Variants in PDSS1 observed in about 807,000 individuals in gnomAD.
PDSS1 encodes the protein all trans-polyprenyl-diphosphate synthase PDSS1.
In PDSS1, 43 loss-of-function variants were observed where a neutral mutation model predicts 57.5. The observed-to-expected ratio is 0.75, with a 90% confidence interval of 0.59 to 0.96. The LOEUF (loss-of-function observed/expected upper bound fraction) is 0.96. PDSS1 is among the 50% of genes least tolerant of loss of function. PDSS1 has a pLI of 0.00. For synonymous variants in PDSS1, 175 were observed against 191.3 expected (o/e 0.91, Z 0.70); for missense variants, 438 against 527.8 (o/e 0.83, Z 1.67).
At chr10:26,721,060 C>G (rs1398854125) in intron 6 of PDSS1, among the ~76,000 whole-genome samples, 1 of 152,122 alleles carries the variant, frequency 6.6e-6, no homozygotes, top group African/African-American at 2.4e-5. Flanking sequence ...AATCCCAGCA[C>G]TTTGGGAGGC....
chr10:26,731,770 A>G (rs1836208984), intron 8 of PDSS1, among the ~76,000 whole-genome samples: 1 of 152,158 alleles, frequency 6.6e-6, no homozygotes. Context: ...GAGGTGGAAC[A>G]TTTTTCAGAT....
intron 5 of PDSS1, among the ~76,000 whole-genome samples, chr10:26,713,361 G>A (rs1443963119): frequency 1.3e-5 from 2 of 152,080 alleles, no homozygotes; most frequent in Non-Finnish European, 2.9e-5. Context: ...TTTAATAAAC[G>A]ATAGAAGGTA....
rs1206427319 is a variant in PDSS1, at chr10:26,746,690, T to C, written c.*217T>C. On this transcript the variant is annotated 3_prime_UTR_variant, in exon 12 of 12. Coordinates refer to ENST00000376215, the MANE Select transcript of PDSS1 (RefSeq NM_014317.5). The stretch of plus-strand genomic sequence containing the variant: ...CCACCTGAATCTGTCATTCTAGTCC[T>C]ATAAATTATAATCAAGGTATCTTGA... The C allele has an allele frequency of 5.6e-6, 3 of 535,972 alleles. No homozygotes were observed. Among genetic ancestry groups the C allele is most frequent in the Non-Finnish European group, 1.0e-5 (3 of 299,062 alleles). The allele number at this position is 535,972 out of a possible 1,614,324, so 33.2% of individuals were successfully genotyped here. A position where few individuals can be genotyped will look rare whatever the true frequency, so the allele number is the denominator to read the frequency against.
intron 1 of PDSS1, among the ~76,000 whole-genome samples, chr10:26,699,361 A>G (rs1370802089): frequency 6.7e-6 from 1 of 149,404 alleles, no homozygotes; most frequent in Admixed American, 6.7e-5. Context: ...GGGTGCATCC[A>G]CCCTCTTATG....
chr10:26,704,765 A>G, intron 3 of PDSS1, 24 bp downstream of exon 3: 2 of 1,191,346 alleles, frequency 1.7e-6, no homozygotes, highest in Non-Finnish European at 2.5e-6. Flanking sequence ...CCATACTGCA[A>G]CTACTAAAAT....
intron 8 of PDSS1, among the ~76,000 whole-genome samples, chr10:26,733,406 C>T (rs1047829962): frequency 6.6e-6 from 1 of 152,102 alleles, no homozygotes. Context: ...GCCCAGGGGT[C>T]GGTGCCTGCT....
chr10:26,726,707 A>G (rs1835958759), intron 8 of PDSS1, among the ~76,000 whole-genome samples: 1 of 152,176 alleles, frequency 6.6e-6, no homozygotes, highest in African/African-American at 2.4e-5. Flanking sequence ...TGAAAATAAT[A>G]TTAAAATCTA....
chr10:26,727,340 C>CT (rs71403885), intron 8 of PDSS1, among the ~76,000 whole-genome samples: 3,864 of 100,590 alleles, frequency 0.038, 81 homozygotes, highest in Non-Finnish European at 0.061. Flanking sequence ...CTCTCTCTCT[C>CT]TTTTTTTTTT....
At chr10:26,708,862 C>T (rs1213064476) in intron 4 of PDSS1, among the ~76,000 whole-genome samples, 1 of 152,148 alleles carries the variant, frequency 6.6e-6, no homozygotes, top group Non-Finnish European at 1.5e-5. Flanking sequence ...AACTTTGCCA[C>T]CCTACCCATC....
Position 26,735,319 on chromosome 10 carries a change from A to G in PDSS1, c.911A>G (p.Gln304Arg). Residue 304 changes from glutamine (Q) to arginine (R), a missense_variant and splice_region_variant, in exon 9 of 12, where the codon CAG (glutamine) becomes CGG (arginine). Transcript: ENST00000376215. ...GGAAAAAATGTAGGAATAGCTTTTCAGGTTAGTATGCTTTTTATTTGTAAG... is the reference window on the plus strand; with the variant it reads ...GGAAAAAATGTAGGAATAGCTTTTCGGGTTAGTATGCTTTTTATTTGTAAG... ...QYGKNVGIAF[Q>R]LIDDVLDFTS... The G allele has an allele frequency of 1.2e-6, 2 of 1,602,424 alleles. No homozygotes were observed. The highest frequency in any genetic ancestry group is 1.7e-6 in the Non-Finnish European group (2 of 1,169,260).
At chr10:26,702,076 T>TCTAC (rs1835069232) in intron 1 of PDSS1, 86 bp from the exon 2 acceptor site, 1 of 442,972 alleles carries the variant, frequency 2.3e-6, no homozygotes, top group Admixed American at 2.4e-5. Flanking sequence ...TTGGCCAATT[T>TCTAC]CTACCATTTG....
chr10:26,703,908 C>T (rs542271942), intron 2 of PDSS1, among the ~76,000 whole-genome samples: 40 of 151,648 alleles, frequency 2.6e-4, no homozygotes, highest in Admixed American at 5.3e-4. Context: ...GGTGAAACCC[C>T]ATCTCTACTA....
At chr10:26,697,966 G>C (rs927594051) in intron 1 of PDSS1, 126 bp downstream of exon 1, 44 of 905,696 alleles carry the variant, frequency 4.9e-5, no homozygotes, top group Non-Finnish European at 6.0e-5. Context: ...GTAGCTCCGG[G>C]GTAGCTCCGG....
rs551306397 is a variant in PDSS1 at position 26,702,152 on chromosome 10, G to C, written c.130-10G>C. On this transcript the variant is annotated splice_polypyrimidine_tract_variant and intron_variant, in intron 1 of 11. Coordinates refer to ENST00000376215, the MANE Select transcript of PDSS1 (RefSeq NM_014317.5). ...CTTGGATGTAACGTAACTTGTTTTT[G>C]ATTTTACAGGTTCATAGGCGGAAGG... 1.1e-5 allele frequency: 5 copies of C among 456,166 alleles called. No individual in the cohort carries two copies. The highest frequency in any genetic ancestry group is 2.2e-5 in the Non-Finnish European group (5 of 226,442). 28.3% of individuals were successfully genotyped at this position (456,166 alleles called of 1,614,324 possible).
chr10:26,733,252 T>C (rs866629262), intron 8 of PDSS1, among the ~76,000 whole-genome samples: 10 of 152,196 alleles, frequency 6.6e-5, no homozygotes, highest in African/African-American at 2.4e-4. Flanking sequence ...CATTCTGTCC[T>C]GAGCCCAGCA....
Position 26,724,342 on chromosome 10 carries a change from T to C in PDSS1, c.831+219T>C, listed in dbSNP as rs536069266. On this transcript the variant is annotated intron_variant, in intron 8 of 11. Coordinates refer to ENST00000376215, the MANE Select transcript of PDSS1 (RefSeq NM_014317.5). ...TATGCAGGCGTTGACTTTTCATCTT[T>C]TCTTCCCAAGAATTCAATCAAAATA... 1.4e-4 allele frequency among the ~76,000 whole-genome samples: 22 copies of C among 152,168 alleles called. No homozygotes were observed. The South Asian group carries it at 4.3e-3, about 30-fold the overall frequency.
intron 11 of PDSS1, among the ~76,000 whole-genome samples, chr10:26,742,935 C>T (rs1217967807): frequency 1.3e-5 from 2 of 152,220 alleles, no homozygotes; most frequent in Admixed American, 6.5e-5. Context: ...GTCACCCAGC[C>T]TCGGCTCCAG....
At chr10:26,724,981 C>CCTTG (rs1835906300) in intron 8 of PDSS1, among the ~76,000 whole-genome samples, 1 of 152,046 alleles carries the variant, frequency 6.6e-6, no homozygotes, top group African/African-American at 2.4e-5. Context: ...CTGTTTTTCC[C>CCTTG]CTTGCTTTCT....
intron 4 of PDSS1, 113 bp from the exon 5 acceptor site, chr10:26,709,525 C>T: frequency 9.8e-7 from 1 of 1,016,722 alleles, no homozygotes; most frequent in Non-Finnish European, 1.5e-6. Context: ...CGTTCCATTG[C>T]ACTCCAGTCT....
Sources: gnomAD v4.1 joint callset for allele counts (sites outside exome capture counted in the v4.1 genomes callset) on GRCh38, gnomAD v4.1.1 for gene constraint, MANE v1.5 for transcripts, NCBI Gene and HGNC (gene_info 2026-07-23, HGNC 2026-07-21) for gene names.